SPOCK3: variants seen among roughly 807,000 people sequenced by gnomAD.
SPOCK3 encodes SPARC (osteonectin), cwcv and kazal like domains proteoglycan 3, also known as testican-3.
Under a neutral mutation model 56.6 loss-of-function variants are expected in SPOCK3, and 30 were observed. The ratio of observed to expected loss-of-function variants is 0.53; its 90% CI spans 0.40 to 0.72. The LOEUF (loss-of-function observed/expected upper bound fraction) is 0.72. Ranked by LOEUF, SPOCK3 falls within the 30% of genes least tolerant of loss-of-function variation. The pLI, the probability that SPOCK3 is intolerant of heterozygous loss-of-function variation, is 0.00. For synonymous variants in SPOCK3, 196 were observed against 183.3 expected, an observed-to-expected ratio of 1.07 and a Z score of -0.56; for missense variants, 527 against 530.0, an observed-to-expected ratio of 0.99 and a Z score of 0.06.
At chr4:166,740,574 G>A (rs1188712722) in intron 9 of SPOCK3, among the ~76,000 whole-genome samples, 1 of 151,206 alleles carries the variant, frequency 6.6e-6, no homozygotes, top group Non-Finnish European at 1.5e-5. Context: ...TACCCAGGCT[G>A]GTGTACGGTG....
intron 4 of SPOCK3, among the ~76,000 whole-genome samples, chr4:166,963,583 G>A (rs868837427): frequency 2.0e-5 from 3 of 151,798 alleles, no homozygotes; most frequent in Non-Finnish European, 4.4e-5. Context: ...AGCACCAGGG[G>A]ATGATACTGA....
At chr4:167,018,297 G>A (rs1463308272) in intron 3 of SPOCK3, among the ~76,000 whole-genome samples, 1 of 151,974 alleles carries the variant, frequency 6.6e-6, no homozygotes, top group East Asian at 1.9e-4. Context: ...AGTATTTTTA[G>A]TCACCTTTAT....
intron 5 of SPOCK3, among the ~76,000 whole-genome samples, chr4:166,894,600 A>C (rs1263562614): frequency 1.3e-5 from 2 of 152,154 alleles, no homozygotes; most frequent in Admixed American, 1.3e-4. Context: ...AGCTGAGATG[A>C]GGAAGTAAGG....
intron 2 of SPOCK3, among the ~76,000 whole-genome samples, chr4:167,088,463 T>G (rs1026953437): frequency 1.3e-5 from 1 of 78,358 alleles, no homozygotes; most frequent in African/African-American, 8.7e-5. Context: ...TATGAAAACT[T>G]TTTTTTTTTT....
chr4:166,905,451 T>A (rs1352035794), intron 5 of SPOCK3, among the ~76,000 whole-genome samples: 1 of 152,016 alleles, frequency 6.6e-6, no homozygotes, highest in Non-Finnish European at 1.5e-5. Context: ...ACACTGATAT[T>A]ATATGTTCTA....
At chr4:167,211,826 C>G (rs188490504) in intron 2 of SPOCK3, among the ~76,000 whole-genome samples, 1 of 152,256 alleles carries the variant, frequency 6.6e-6, no homozygotes, top group East Asian at 1.9e-4. Context: ...AAATATGGTA[C>G]TTTTCATTTT....
chr4:166,806,324 T>C (rs1743161822), intron 6 of SPOCK3, among the ~76,000 whole-genome samples: 2 of 152,084 alleles, frequency 1.3e-5, no homozygotes, highest in South Asian at 2.1e-4. Flanking sequence ...TAATGCTACA[T>C]TTTTTATATC....
At chr4:166,762,031 T>G (rs7690787) in intron 7 of SPOCK3, among the ~76,000 whole-genome samples, 49,462 of 150,800 alleles carry the variant, frequency 0.33, 8,280 homozygotes, top group Admixed American at 0.41. Context: ...TAGAAAATGG[T>G]AATACAAAGG....
chr4:166,802,658 G>C (rs2126694180), intron 6 of SPOCK3, among the ~76,000 whole-genome samples: 1 of 152,194 alleles, frequency 6.6e-6, no homozygotes, highest in East Asian at 1.9e-4. Flanking sequence ...TGGGGATTAG[G>C]ATTTGAACGT....
chr4:167,130,280 A>T (rs868722465), intron 2 of SPOCK3, among the ~76,000 whole-genome samples: 10 of 152,206 alleles, frequency 6.6e-5, no homozygotes, highest in Middle Eastern at 3.2e-3. Context: ...CAAATATTTT[A>T]AAAATAATAG....
Position 166,940,890 on chromosome 4 carries a change from C to T in SPOCK3, c.351-28147G>A, listed in dbSNP as rs1046313535. On this transcript the variant is annotated intron_variant, in intron 4 of 10. Transcript: ENST00000357545. ...ACGTAAGACCCTGTTAAGGAAGTTT[C>T]CCGAGTGCTGATCTTTGCTGTCTCA... Among the ~76,000 whole-genome samples the T allele has an allele frequency of 2.7e-5, 4 of 149,750 alleles. No homozygotes were observed. The East Asian group carries it at 8.3e-4, about 31-fold the overall frequency.
intron 2 of SPOCK3, among the ~76,000 whole-genome samples, chr4:167,084,828 G>A (rs912291103): frequency 4.6e-5 from 7 of 151,924 alleles, no homozygotes; most frequent in African/African-American, 4.8e-5. Flanking sequence ...TAAATTAGAC[G>A]ACAATGTGAT....
intron 2 of SPOCK3, among the ~76,000 whole-genome samples, chr4:167,194,309 T>A (rs558945298): frequency 8.6e-6 from 1 of 115,876 alleles, no homozygotes; most frequent in African/African-American, 3.8e-5. Context: ...CAACTTCTCA[T>A]GTTTGTGTTC....
chr4:167,039,916 T>C, intron 3 of SPOCK3, among the ~76,000 whole-genome samples: 1 of 152,196 alleles, frequency 6.6e-6, no homozygotes, highest in East Asian at 1.9e-4. Context: ...TCTACCTTTT[T>C]ATTATCTATC....
At chr4:166,753,106 G>C (rs7693595) in intron 8 of SPOCK3, among the ~76,000 whole-genome samples, 49,612 of 151,548 alleles carry the variant, frequency 0.33, 8,313 homozygotes, top group Admixed American at 0.42. Flanking sequence ...AGAATTTATC[G>C]ATTTCTGTAG....
intron 2 of SPOCK3, among the ~76,000 whole-genome samples, chr4:167,163,399 G>A (rs908129670): frequency 3.3e-5 from 5 of 151,674 alleles, no homozygotes; most frequent in South Asian, 2.1e-4. Flanking sequence ...CTGGGGAAAC[G>A]GGGTACCCAT....
upstream of SPOCK3, chr4:167,234,645 TC>T: frequency 6.2e-6 from 1 of 161,168 alleles, no homozygotes. Context: ...CCGTTCCCCC[TC>T]CCTCCCCGAC....
chr4:167,078,432 G>T (rs575625358), intron 2 of SPOCK3, among the ~76,000 whole-genome samples: 193 of 149,780 alleles, frequency 1.3e-3, no homozygotes, highest in African/African-American at 4.5e-3. Context: ...CAAAAGGTAA[G>T]TTGTCTAAGG....
chr4:167,011,869 C>G (rs1750107835), intron 3 of SPOCK3, among the ~76,000 whole-genome samples: 1 of 151,992 alleles, frequency 6.6e-6, no homozygotes, highest in South Asian at 2.1e-4. Flanking sequence ...ATGCTTTTTA[C>G]AACTGTGCAA....
Sources: gnomAD v4.1 joint callset for allele counts (sites outside exome capture counted in the v4.1 genomes callset) on GRCh38, gnomAD v4.1.1 for gene constraint, MANE v1.5 for transcripts, NCBI Gene and HGNC (gene_info 2026-07-23, HGNC 2026-07-21) for gene names.